Variants in SOX5 observed in about 807,000 individuals in gnomAD.
The protein encoded by SOX5 is transcription factor SOX-5.
Under a neutral mutation model 92.0 loss-of-function variants are expected in SOX5, and 9 were observed. The ratio of observed to expected loss-of-function variants is 0.10; its 90% confidence interval spans 0.06 to 0.17. The LOEUF is 0.17. Among genes scored for constraint, SOX5 ranks in the 10% least tolerant of loss-of-function variants. The pLI, the probability that SOX5 is intolerant of heterozygous loss-of-function variation, is 1.00. For synonymous variants in SOX5, 344 were observed against 336.3 expected, an observed-to-expected ratio of 1.02 and a Z score of -0.25; for missense variants, 642 against 944.5, an observed-to-expected ratio of 0.68 and a Z score of 4.20.
upstream of SOX5, among the ~76,000 whole-genome samples, chr12:23,950,181 A>T (rs868240976): frequency 8.5e-5 from 13 of 152,080 alleles, no homozygotes; most frequent in Non-Finnish European, 5.9e-5. Context: ...ATTTAATGTT[A>T]GTAATAGCAT....
At chr12:24,413,223 G>T (rs111874185) in intron 1 of SOX5, among the ~76,000 whole-genome samples, 1,829 of 152,184 alleles carry the variant, frequency 0.012, 35 homozygotes, top group African/African-American at 0.041. Flanking sequence ...CATGTATTTT[G>T]CAGCTCAGTT....
intron 3 of SOX5, among the ~76,000 whole-genome samples, chr12:23,818,181 G>C (rs1402123034): frequency 6.6e-6 from 1 of 152,174 alleles, no homozygotes; most frequent in African/African-American, 2.4e-5. Flanking sequence ...TGAGAAATGT[G>C]TTAGGTGATG....
At chr12:23,596,438 T>C (rs1019726316) in intron 9 of SOX5, among the ~76,000 whole-genome samples, 1 of 152,212 alleles carries the variant, frequency 6.6e-6, no homozygotes, top group Non-Finnish European at 1.5e-5. Context: ...CTAAAATTCT[T>C]CTTTTATGAA....
rs1227507309 is a variant in SOX5, at chr12:24,466,491, A to G, written c.-251+95838T>C. ...TAATTATAAGTCATCTTGGTCCTCC[A>G]TGGATATTGGCACAGACACAGGTTT... On this transcript the variant is annotated intron_variant, in intron 1 of 4. Transcript: ENST00000446891. 5.3e-5 allele frequency among the ~76,000 whole-genome samples: 8 copies of G among 152,190 alleles called. No individual in the cohort carries two copies. In the South Asian group the frequency reaches 8.3e-4, roughly 16 times the overall value.
At chr12:23,747,629 C>T (rs1006444838) in intron 4 of SOX5, among the ~76,000 whole-genome samples, 6 of 152,180 alleles carry the variant, frequency 3.9e-5, no homozygotes, top group African/African-American at 1.4e-4. Flanking sequence ...GAAGACTCTT[C>T]GCCCAGACCC....
intron 8 of SOX5, among the ~76,000 whole-genome samples, chr12:23,609,400 C>T (rs2075680246): frequency 6.6e-6 from 1 of 152,084 alleles, no homozygotes; most frequent in Admixed American, 6.6e-5. Context: ...AAATTATCAA[C>T]ATTTAACAGT....
At chr12:24,146,096 T>C (rs1175942555) in intron 4 of SOX5, among the ~76,000 whole-genome samples, 1 of 151,884 alleles carries the variant, frequency 6.6e-6, no homozygotes, top group Non-Finnish European at 1.5e-5. Context: ...AAACAGAAAA[T>C]CACCAAGGAT....
intron 4 of SOX5, among the ~76,000 whole-genome samples, chr12:24,046,006 C>T (rs923722046): frequency 1.3e-5 from 2 of 152,152 alleles, no homozygotes; most frequent in Admixed American, 1.3e-4. Flanking sequence ...TTGCCAGTTG[C>T]GCGGTTTGCC....
At chr12:24,123,477 T>C (rs1401453554) in intron 4 of SOX5, among the ~76,000 whole-genome samples, 1 of 152,196 alleles carries the variant, frequency 6.6e-6, no homozygotes, top group Non-Finnish European at 1.5e-5. Context: ...AACTTCCTCT[T>C]GTGCCTTCCC....
chr12:23,916,430 T>G (rs1433662777), intron 1 of SOX5, among the ~76,000 whole-genome samples: 4 of 152,138 alleles, frequency 2.6e-5, no homozygotes, highest in African/African-American at 9.7e-5. Flanking sequence ...TACTTCAAAA[T>G]GGAGTGATGT....
At chr12:23,747,594 C>G (rs933526609) in intron 4 of SOX5, among the ~76,000 whole-genome samples, 1 of 152,188 alleles carries the variant, frequency 6.6e-6, no homozygotes, top group Admixed American at 6.6e-5. Context: ...ACCACAGGAC[C>G]TTTGAATGTT....
intron 4 of SOX5, among the ~76,000 whole-genome samples, chr12:24,094,290 T>C (rs940681924): frequency 2.0e-5 from 3 of 152,190 alleles, no homozygotes; most frequent in African/African-American, 7.2e-5. Context: ...ATAGCTAAAG[T>C]TGCATATCAC....
chr12:24,395,973 A>C (rs1347151484), intron 1 of SOX5, among the ~76,000 whole-genome samples: 1 of 152,206 alleles, frequency 6.6e-6, no homozygotes, highest in Non-Finnish European at 1.5e-5. Context: ...TGCTATGAGA[A>C]GGAGGCTGGC....
At chr12:24,314,207 G>A (rs918079036) in intron 2 of SOX5, among the ~76,000 whole-genome samples, 2 of 152,036 alleles carry the variant, frequency 1.3e-5, no homozygotes, top group African/African-American at 4.8e-5. Context: ...CCTTTTAAAT[G>A]ATAACAGTTC....
chr12:23,622,894 A>C (rs1213958671), intron 8 of SOX5, among the ~76,000 whole-genome samples: 2 of 152,164 alleles, frequency 1.3e-5, no homozygotes, highest in Non-Finnish European at 2.9e-5. Context: ...TTAGCCATTA[A>C]AAATAAAAAA....
chr12:24,195,441 T>G (rs1004136593), intron 4 of SOX5, among the ~76,000 whole-genome samples: 12 of 152,196 alleles, frequency 7.9e-5, no homozygotes, highest in African/African-American at 2.9e-4. Context: ...AAAGAATACT[T>G]TCACATGAAG....
At chr12:24,019,258 C>A (rs1387055765) in intron 4 of SOX5, among the ~76,000 whole-genome samples, 1 of 152,160 alleles carries the variant, frequency 6.6e-6, no homozygotes, top group Non-Finnish European at 1.5e-5. Flanking sequence ...CAGGCATAAG[C>A]CACCATGCCC....
intron 2 of SOX5, among the ~76,000 whole-genome samples, chr12:24,317,783 A>G (rs911257787): frequency 5.9e-5 from 9 of 152,194 alleles, no homozygotes; most frequent in African/African-American, 2.2e-4. Context: ...GTCATAATTC[A>G]TCACTTAACC....
At chr12:24,073,348 C>T (rs900879792) in intron 4 of SOX5, among the ~76,000 whole-genome samples, 2 of 152,054 alleles carry the variant, frequency 1.3e-5, no homozygotes, top group African/African-American at 2.4e-5. Context: ...ACATAAAAAC[C>T]GACACATGCT....
Sources: gnomAD v4.1 joint callset for allele counts (sites outside exome capture counted in the v4.1 genomes callset) on GRCh38, gnomAD v4.1.1 for gene constraint, MANE v1.5 for transcripts, NCBI Gene and HGNC (gene_info 2026-07-23, HGNC 2026-07-21) for gene names.